Variants in SEMA6D observed in about 807,000 individuals in gnomAD.
The protein encoded by SEMA6D is semaphorin 6D.
In SEMA6D, 35 loss-of-function variants were observed where a neutral mutation model predicts 106.6. That is an observed-to-expected ratio of 0.33 (90% confidence interval 0.25 to 0.44). The LOEUF (loss-of-function observed/expected upper bound fraction) is 0.44, where lower values mean the gene tolerates loss of function less well. SEMA6D is among the 20% of genes least tolerant of loss of function. The pLI, the probability that SEMA6D is intolerant of heterozygous loss-of-function variation, is 1.00. For missense variants in SEMA6D, 1,185 were observed against 1,345.9 expected (o/e 0.88, Z 1.87); for synonymous variants, 499 against 487.7 (o/e 1.02, Z -0.31).
intron 1 of SEMA6D, among the ~76,000 whole-genome samples, chr15:47,225,549 TG>T (rs2031589903): frequency 1.1e-5 from 1 of 89,452 alleles, no homozygotes; most frequent in East Asian, 2.3e-4. Context: ...TTTTTTTTGA[TG>T]GGGTTTTGCT....
rs1437006196 is a variant in SEMA6D, at chr15:47,298,636, A to G, written c.-238-113757A>G. The stretch of plus-strand genomic sequence containing the variant: ...AATGCTCCATCAACTCTGTTTTCAC[A>G]TCTGCCCTCCAGCAGGCTGCAGGGG... On this transcript the variant is annotated intron_variant, in intron 1 of 19. Transcript: ENST00000558014. Among the ~76,000 whole-genome samples the G allele has an allele frequency of 2.6e-5, 4 of 152,104 alleles. No individual in the cohort carries two copies. In the South Asian group the frequency reaches 8.3e-4, roughly 32 times the overall value.
chr15:47,633,533 G>T (rs2077328244), intron 4 of SEMA6D, among the ~76,000 whole-genome samples: 1 of 152,120 alleles, frequency 6.6e-6, no homozygotes, highest in African/African-American at 2.4e-5. Flanking sequence ...TCATTTATCT[G>T]TGGTTGCTTT....
At chr15:47,738,546 G>A (rs1257885262) in intron 1 of SEMA6D, among the ~76,000 whole-genome samples, 2 of 152,134 alleles carry the variant, frequency 1.3e-5, no homozygotes, top group African/African-American at 4.8e-5. Context: ...ACTATTACTA[G>A]GGAATTGTCA....
rs566831036 is a variant in SEMA6D, at chr15:47,367,671, C to T, written c.-238-44722C>T. ...ATTCTCCCCTTCCCCTAAACACGCA[C>T]GCTCACACGCGCGCGCGCGCGCACA... On this transcript the variant is annotated intron_variant, in intron 1 of 19. Coordinates refer to the SEMA6D transcript ENST00000558014. Among the ~76,000 whole-genome samples, 155 of 143,358 alleles carry T rather than the reference C, an allele frequency of 1.1e-3. 1 individual carries two copies. The East Asian group carries it at 0.019, about 18-fold the overall frequency. 94.0% of individuals were successfully genotyped at this position (143,358 alleles called of 152,430 possible).
At chr15:47,349,726 A>G (rs1288577902) in intron 1 of SEMA6D, among the ~76,000 whole-genome samples, 1 of 113,132 alleles carries the variant, frequency 8.8e-6, no homozygotes, top group African/African-American at 2.5e-5. Context: ...AAAGCCTAAT[A>G]GAAAAACAGA....
chr15:47,304,920 A>G (rs2036176945), intron 1 of SEMA6D, among the ~76,000 whole-genome samples: 1 of 152,224 alleles, frequency 6.6e-6, no homozygotes, highest in Non-Finnish European at 1.5e-5. Context: ...TGAATTATTA[A>G]TGAAGCAAAG....
intron 2 of SEMA6D, among the ~76,000 whole-genome samples, chr15:47,412,808 G>T (rs1371828532): frequency 6.6e-6 from 1 of 152,194 alleles, no homozygotes; most frequent in Admixed American, 6.5e-5. Flanking sequence ...CAGAGTTTAA[G>T]ATCAATGGGG....
intron 1 of SEMA6D, among the ~76,000 whole-genome samples, chr15:47,265,094 T>C (rs1444337845): frequency 6.6e-6 from 1 of 152,096 alleles, no homozygotes; most frequent in African/African-American, 2.4e-5. Flanking sequence ...TGTCTTTGTC[T>C]GAATTTGGTA....
At chr15:47,497,180 T>C (rs996729631) in intron 3 of SEMA6D, among the ~76,000 whole-genome samples, 3 of 152,102 alleles carry the variant, frequency 2.0e-5, no homozygotes, top group Non-Finnish European at 4.4e-5. Context: ...TGCCAGAGTT[T>C]ATTCTTTTGT....
At chr15:47,217,824 A>G (rs1184542391) in intron 1 of SEMA6D, among the ~76,000 whole-genome samples, 1 of 151,158 alleles carries the variant, frequency 6.6e-6, no homozygotes, top group East Asian at 1.9e-4. Flanking sequence ...ACATACACAC[A>G]AATACATGCA....
chr15:47,275,871 A>T (rs550708787), intron 1 of SEMA6D, among the ~76,000 whole-genome samples: 2 of 152,312 alleles, frequency 1.3e-5, no homozygotes, highest in South Asian at 4.1e-4. Flanking sequence ...CTCTTGTACC[A>T]GTTAATCAAG....
At chr15:47,372,893 A>G (rs1239162449) in intron 1 of SEMA6D, among the ~76,000 whole-genome samples, 3 of 152,226 alleles carry the variant, frequency 2.0e-5, no homozygotes, top group Admixed American at 1.3e-4. Context: ...AAGGAAAGAA[A>G]TAGAATCCAG....
At chr15:47,473,690 A>T (rs2042919374) in intron 3 of SEMA6D, among the ~76,000 whole-genome samples, 1 of 152,266 alleles carries the variant, frequency 6.6e-6, no homozygotes, top group Admixed American at 6.5e-5. Flanking sequence ...CTCTGAACGG[A>T]TTTCAGAGAC....
intron 1 of SEMA6D, among the ~76,000 whole-genome samples, chr15:47,212,398 T>C (rs1418082561): frequency 6.6e-6 from 1 of 152,210 alleles, no homozygotes; most frequent in East Asian, 1.9e-4. Flanking sequence ...TTTCTGCTTT[T>C]CCCAACTGCT....
rs964856226 is a variant in SEMA6D, at chr15:47,740,186, A to G, written c.-54-19559A>G. Among the ~76,000 whole-genome samples the G allele has an allele frequency of 5.3e-5, 8 of 152,282 alleles. No individual in the cohort carries two copies. The East Asian group carries it at 1.4e-3, about 26-fold the overall frequency. On this transcript the variant is annotated intron_variant, in intron 1 of 18. Transcript: ENST00000536845. The stretch of plus-strand genomic sequence containing the variant: ...CGACTCATTTTTCAGCCATTTTGTC[A>G]GGTTGGGTTATAGTATTTTTGTTGA...
At chr15:47,623,003 A>G (rs147433237) in intron 4 of SEMA6D, among the ~76,000 whole-genome samples, 2,824 of 152,270 alleles carry the variant, frequency 0.019, 39 homozygotes, top group Middle Eastern at 0.027. Flanking sequence ...AGAGAGCTCA[A>G]CCAGTCCACT....
At chr15:47,340,902 A>C (rs542174888) in intron 1 of SEMA6D, among the ~76,000 whole-genome samples, 1 of 152,304 alleles carries the variant, frequency 6.6e-6, no homozygotes, top group African/African-American at 2.4e-5. Context: ...AAGTGCTGAG[A>C]TATTTATAAC....
chr15:47,341,657 T>G (rs2037816584), intron 1 of SEMA6D, among the ~76,000 whole-genome samples: 1 of 152,182 alleles, frequency 6.6e-6, no homozygotes, highest in Admixed American at 6.5e-5. Flanking sequence ...TATAAAATTA[T>G]AAATAAATAT....
At chr15:47,503,227 A>G (rs540793888) in intron 3 of SEMA6D, among the ~76,000 whole-genome samples, 4 of 152,206 alleles carry the variant, frequency 2.6e-5, no homozygotes, top group South Asian at 2.1e-4. Context: ...TGATATATCT[A>G]TTTAAGAAAA....
Sources: gnomAD v4.1 joint callset for allele counts (sites outside exome capture counted in the v4.1 genomes callset) on GRCh38, gnomAD v4.1.1 for gene constraint, MANE v1.5 for transcripts, NCBI Gene and HGNC (gene_info 2026-07-23, HGNC 2026-07-21) for gene names.